Variants in PXYLP1 observed in about 807,000 individuals in gnomAD.
The protein encoded by PXYLP1 is acid phosphatase-like 2.
A neutral mutation model predicts 37.9 loss-of-function variants in PXYLP1; 17 were observed. The ratio of observed to expected loss-of-function variants is 0.45; its 90% CI spans 0.31 to 0.67. PXYLP1 has a LOEUF of 0.67. Ranked by LOEUF, PXYLP1 falls within the 30% of genes least tolerant of loss-of-function variation. The pLI is 0.07. For synonymous variants in PXYLP1, 221 were observed against 232.2 expected (o/e 0.95, Z 0.44); for missense variants, 511 against 612.0 (o/e 0.84, Z 1.74).
intron 1 of PXYLP1, among the ~76,000 whole-genome samples, chr3:141,251,264 G>T (rs1348479819): frequency 6.6e-6 from 1 of 152,256 alleles, no homozygotes; most frequent in Non-Finnish European, 1.5e-5. Context: ...GTTATCTAGG[G>T]TCCTTCTCTG....
intron 1 of PXYLP1, among the ~76,000 whole-genome samples, chr3:141,245,529 A>G (rs1012512518): frequency 6.6e-6 from 1 of 152,166 alleles, no homozygotes; most frequent in Non-Finnish European, 1.5e-5. Flanking sequence ...TCTCTCCAAA[A>G]GCTCAGTTGT....
At chr3:141,249,156 G>C (rs1941083843) in intron 1 of PXYLP1, among the ~76,000 whole-genome samples, 1 of 152,008 alleles carries the variant, frequency 6.6e-6, no homozygotes, top group Admixed American at 6.5e-5. Context: ...ATGCCCACTG[G>C]CACTGGCAGT....
chr3:141,244,365 CTT>C (rs11311791), intron 1 of PXYLP1, among the ~76,000 whole-genome samples: 16 of 148,084 alleles, frequency 1.1e-4, no homozygotes, highest in Non-Finnish European at 1.8e-4. Context: ...CATTACTCAC[CTT>C]TTTTTTTTGT....
intron 4 of PXYLP1, among the ~76,000 whole-genome samples, chr3:141,284,354 A>G (rs1942023834): frequency 6.7e-6 from 1 of 149,428 alleles, no homozygotes; most frequent in Non-Finnish European, 1.5e-5. Context: ...GGGCATACAC[A>G]TGATCAGAAA....
At chr3:141,243,091 T>G (rs1019244334) in intron 1 of PXYLP1, among the ~76,000 whole-genome samples, 5 of 152,182 alleles carry the variant, frequency 3.3e-5, no homozygotes, top group African/African-American at 4.8e-5. Context: ...GAGCTGTGAC[T>G]TGGGGACCCC....
chr3:141,251,438 G>T (rs747601197), intron 1 of PXYLP1, among the ~76,000 whole-genome samples: 3 of 152,204 alleles, frequency 2.0e-5, no homozygotes, highest in Non-Finnish European at 4.4e-5. Flanking sequence ...CGACTCATTG[G>T]AAGAACTTGA....
intron 2 of PXYLP1, among the ~76,000 whole-genome samples, chr3:141,270,868 G>A (rs1408992957): frequency 6.6e-6 from 1 of 152,126 alleles, no homozygotes; most frequent in Non-Finnish European, 1.5e-5. Flanking sequence ...ACATCCAGGG[G>A]ATGGATGTAG....
rs1382816160 is a variant in PXYLP1, at chr3:141,292,548, C to T, written c.786C>T (p.Tyr262=). Residue 262 remains tyrosine (Y), a synonymous_variant, in exon 6 of 6, where the codon TAC becomes TAT. Transcript: ENST00000286353. The surrounding 1 kb of genome is among the most constrained non-coding windows in gnomAD (Gnocchi z 4.3). The part of the protein sequence containing the change: ...QYLEKEQRRQ[Y]LLRLKNSQLE... ...TGGAAAAGGAGCAGCGTCGTCAGTACCTCCTACGTTTGAAAAACAGCCAGC... is the reference window on the plus strand; with the variant it reads ...TGGAAAAGGAGCAGCGTCGTCAGTATCTCCTACGTTTGAAAAACAGCCAGC... 2 of 1,614,166 alleles carry T rather than the reference C, an allele frequency of 1.2e-6. No homozygotes were observed. The highest frequency in any genetic ancestry group is 1.7e-6 in the Non-Finnish European group (2 of 1,180,026).
chr3:141,255,691 G>A (rs1941248564), intron 1 of PXYLP1, among the ~76,000 whole-genome samples: 1 of 152,216 alleles, frequency 6.6e-6, no homozygotes, highest in African/African-American at 2.4e-5. Flanking sequence ...TAGGCGCAGA[G>A]CTCCTATGGA....
chr3:141,263,855 T>C (rs1476865429), intron 2 of PXYLP1, among the ~76,000 whole-genome samples: 2 of 152,208 alleles, frequency 1.3e-5, no homozygotes, highest in Non-Finnish European at 2.9e-5. Context: ...CCTTGGCTCA[T>C]GGAAGCATAG....
rs1267883888 is a variant in PXYLP1, at chr3:141,275,984, ATTCT to A, written c.80-2353_80-2350del. ...TATTATAATACCATATTTTTACTGT[ATTCT>A]TTCTAAGTCGAGATATGTTTAGATA... On this transcript the variant is annotated intron_variant, in intron 2 of 5. Coordinates refer to ENST00000286353, the MANE Select transcript of PXYLP1 (RefSeq NM_001037172.3). 2.0e-5 allele frequency among the ~76,000 whole-genome samples: 3 copies of A among 152,230 alleles called. No individual in the cohort carries two copies. The East Asian group carries it at 5.8e-4, about 29-fold the overall frequency.
chr3:141,253,074 CTGG>C (rs1396257736), intron 1 of PXYLP1, among the ~76,000 whole-genome samples: 2 of 152,166 alleles, frequency 1.3e-5, no homozygotes, highest in Non-Finnish European at 2.9e-5. Flanking sequence ...GCTGGCCTGC[CTGG>C]TGGTGTGGAT....
At chr3:141,289,779 G>T (rs935210357) in intron 5 of PXYLP1, among the ~76,000 whole-genome samples, 4 of 152,040 alleles carry the variant, frequency 2.6e-5, no homozygotes, top group Admixed American at 2.6e-4. Context: ...GGTCCTAGGG[G>T]TTAGCATCCA....
intron 2 of PXYLP1, among the ~76,000 whole-genome samples, chr3:141,264,154 G>A (rs1227172492): frequency 1.3e-5 from 2 of 151,514 alleles, no homozygotes; most frequent in Non-Finnish European, 2.9e-5. Context: ...AAGGTGAACT[G>A]GAGATTCAGA....
At chr3:141,263,364 CTA>C in intron 2 of PXYLP1, among the ~76,000 whole-genome samples, 1 of 152,168 alleles carries the variant, frequency 6.6e-6, no homozygotes, top group Non-Finnish European at 1.5e-5. Context: ...AAAAATAAGT[CTA>C]TGTTTTCAAG....
intron 1 of PXYLP1, among the ~76,000 whole-genome samples, chr3:141,234,481 C>A (rs1304917384): frequency 6.6e-6 from 1 of 152,238 alleles, no homozygotes; most frequent in African/African-American, 2.4e-5. Context: ...CAGGGTACCA[C>A]TTGCAGAGCC....
rs1559893349 is a variant in PXYLP1, at chr3:141,278,447, ATGAAGCTCT to A, written c.187_195del (p.Glu63_Leu65del). Reference sequence around the variant, plus strand: ...GAGCCCCCTGTGACAGACCCCGTTTATGAAGCTCTTTTGTACTGCAACATCCCCAGCGTG... The same window carrying A: ...GAGCCCCCTGTGACAGACCCCGTTTATTTGTACTGCAACATCCCCAGCGTG... On this transcript the variant is annotated inframe_deletion, in exon 3 of 6. Coordinates refer to ENST00000286353, the MANE Select transcript of PXYLP1 (RefSeq NM_001037172.3). The A allele has an allele frequency of 6.2e-7, 1 of 1,614,216 alleles. No homozygotes were observed. The highest frequency in any genetic ancestry group is 8.5e-7 in the Non-Finnish European group (1 of 1,180,032).
At chr3:141,289,041 A>C (rs72984518) in intron 5 of PXYLP1, among the ~76,000 whole-genome samples, 8,644 of 152,310 alleles carry the variant, frequency 0.057, 436 homozygotes, top group African/African-American at 0.13. Context: ...AAGAACAGCT[A>C]CACTAGAAAA....
intron 1 of PXYLP1, among the ~76,000 whole-genome samples, chr3:141,252,571 G>A (rs1007318840): frequency 6.6e-6 from 1 of 152,064 alleles, no homozygotes; most frequent in South Asian, 2.1e-4. Flanking sequence ...GCAAGAGGAC[G>A]GCACCAAACC....
Sources: allele counts gnomAD v4.1 joint callset (sites outside exome capture counted in the v4.1 genomes callset), GRCh38; gene constraint gnomAD v4.1.1; non-coding constraint Gnocchi (gnomAD v3.1); transcripts MANE v1.5; gene names NCBI Gene and HGNC (gene_info 2026-07-23, HGNC 2026-07-21).